Variants in WFS1 observed in about 807,000 individuals in gnomAD.
The protein encoded by WFS1 is wolframin.
WFS1 carries 90 observed loss-of-function variants against 68.5 expected under a neutral mutation model. That is an observed-to-expected ratio of 1.31 (90% CI 1.11 to 1.56). The LOEUF is 1.56. WFS1 is among the 40% of genes most tolerant of loss of function. The pLI is 0.00. For missense variants in WFS1, 1,767 were observed against 1,232.6 expected (o/e 1.43, Z -6.49); for synonymous variants, 860 against 540.7 (o/e 1.59, Z -8.19).
intron 7 of WFS1, among the ~76,000 whole-genome samples, chr4:6,297,745 T>A: frequency 6.6e-6 from 1 of 152,226 alleles, no homozygotes; most frequent in Non-Finnish European, 1.5e-5. Context: ...TCATAGTTTT[T>A]AAGTTTCGTT....
rs541588171 is a variant in WFS1, at chr4:6,301,838, C to A, written c.2043C>A (p.Thr681=). 6.2e-7 allele frequency: 1 copy of A among 1,613,080 alleles called. No homozygotes were observed. The highest frequency in any genetic ancestry group is 8.5e-7 in the Non-Finnish European group (1 of 1,179,984). ...ALCGPRAWKE[T]NMARTQILCS... The stretch of plus-strand genomic sequence containing the variant: ...GCGGGCCACGCGCCTGGAAGGAGAC[C>A]AACATGGCGCGCACCCAGATCCTCT... The change falls in exon 8 of 8, where the codon ACC becomes ACA. Residue 681 remains threonine (T), a synonymous_variant. Transcript: ENST00000226760.
At chr4:6,288,266 C>CT (rs1467762243) in intron 3 of WFS1, among the ~76,000 whole-genome samples, 1 of 151,470 alleles carries the variant, frequency 6.6e-6, no homozygotes, top group Non-Finnish European at 1.5e-5. Flanking sequence ...CCATATTGTA[C>CT]TTTAAAGTTC....
At chr4:6,285,638 CTGCCTT>C (rs1264591281) in intron 2 of WFS1, among the ~76,000 whole-genome samples, 9 of 152,246 alleles carry the variant, frequency 5.9e-5, no homozygotes, top group Non-Finnish European at 7.3e-5. Flanking sequence ...CCCTTCCTCT[CTGCCTT>C]TGCACCTGGC....
chr4:6,277,985 CAT>C (rs963908727), intron 2 of WFS1, among the ~76,000 whole-genome samples: 24 of 152,382 alleles, frequency 1.6e-4, no homozygotes, highest in African/African-American at 5.0e-4. Flanking sequence ...AGCGTCCAAA[CAT>C]GTGGAGTAAA....
intron 2 of WFS1, among the ~76,000 whole-genome samples, chr4:6,282,871 G>C (rs1274024954): frequency 1.3e-5 from 2 of 152,230 alleles, no homozygotes; most frequent in Admixed American, 1.3e-4. Context: ...GACTATGCTA[G>C]GATTTCAGAA....
chr4:6,296,181 G>C (rs545751607), intron 7 of WFS1, among the ~76,000 whole-genome samples: 3 of 152,176 alleles, frequency 2.0e-5, no homozygotes, highest in African/African-American at 2.4e-5. Flanking sequence ...CACCGTCCTC[G>C]AGCCAGGGAG....
At position 6,291,400 on chromosome 4, in the gene WFS1, C is replaced by G. The variant is rs1488930161; in HGVS notation, c.631+33C>G. ...GATTCACCCTGGGCACCAGCCTTCCCTGGGCGCCAGCCTTCCCACAGGAGC... is the reference window on the plus strand; with the variant it reads ...GATTCACCCTGGGCACCAGCCTTCCGTGGGCGCCAGCCTTCCCACAGGAGC... On this transcript the variant is annotated intron_variant, in intron 5 of 7. Coordinates refer to ENST00000226760, the MANE Select transcript of WFS1 (RefSeq NM_006005.3). 7 of 1,607,652 alleles carry G rather than the reference C, an allele frequency of 4.4e-6. No homozygotes were observed. The South Asian group carries it at 5.5e-5, about 13-fold the overall frequency.
rs544230639 is a variant in WFS1 at position 6,291,324 on chromosome 4, C to T, written c.588C>T (p.Ala196=). 100 of 1,613,370 alleles carry T rather than the reference C, an allele frequency of 6.2e-5. No individual in the cohort carries two copies. Among genetic ancestry groups the T allele is most frequent in the East Asian group, 1.1e-4 (5 of 44,842 alleles). ...ACCCCAAGAAGAAGAAGCAGGTGGC[C>T]GTGGCGGAGCTGCTGGAGAATGTCG... is the stretch of plus-strand genomic sequence containing the variant. ...KLNPKKKKQV[A]VAELLENVGQ... is the part of the protein sequence containing the mutation. The change falls in exon 5 of 8, where the codon GCC becomes GCT. Residue 196 remains alanine (A), a synonymous_variant. Coordinates refer to ENST00000226760, the MANE Select transcript of WFS1 (RefSeq NM_006005.3).
In WFS1 at chr4:6,289,147, G is replaced by A; in HGVS notation, c.460+16G>A. 6.4e-7 allele frequency: 1 copy of A among 1,565,192 alleles called. No homozygotes were observed. Among genetic ancestry groups the A allele is most frequent in the Admixed American group, 1.9e-5 (1 of 53,118 alleles). ...GACAGAAGAGGTGGGTCTGTGTGAG[G>A]CTTAGAACAGCCTCTGGAGGGTTGA... On this transcript the variant is annotated intron_variant, in intron 4 of 7. Coordinates refer to ENST00000226760, the MANE Select transcript of WFS1 (RefSeq NM_006005.3).
At chr4:6,271,624 A>G (rs557597526) in intron 1 of WFS1, among the ~76,000 whole-genome samples, 30 of 152,142 alleles carry the variant, frequency 2.0e-4, no homozygotes, top group Admixed American at 2.0e-3. Flanking sequence ...GCCACAAACC[A>G]GACCACCCCC....
intron 5 of WFS1, among the ~76,000 whole-genome samples, 194 bp downstream of exon 5, chr4:6,291,561 C>G (rs750384192): frequency 5.9e-5 from 9 of 152,162 alleles, no homozygotes; most frequent in Admixed American, 4.6e-4. Flanking sequence ...AGACCGTGCC[C>G]TAGTGGTGAG....
intron 6 of WFS1, among the ~76,000 whole-genome samples, chr4:6,293,595 C>A (rs10937719): frequency 6.6e-6 from 1 of 151,994 alleles, no homozygotes; most frequent in Non-Finnish European, 1.5e-5. Flanking sequence ...GCAGAGATGA[C>A]TGCTCTTCTC....
intron 7 of WFS1, among the ~76,000 whole-genome samples, chr4:6,298,636 CTG>C (rs1467598297): frequency 6.6e-6 from 1 of 151,862 alleles, no homozygotes; most frequent in East Asian, 1.9e-4. Flanking sequence ...AAGGCTCAGT[CTG>C]TGTAGACATG....
chr4:6,290,376 G>C (rs1730427269), intron 4 of WFS1, among the ~76,000 whole-genome samples: 1 of 152,238 alleles, frequency 6.6e-6, no homozygotes, highest in South Asian at 2.1e-4. Flanking sequence ...AGAGCAGTTG[G>C]AATGACCTGG....
chr4:6,302,041 C>T lies in WFS1; in HGVS notation c.2246C>T (p.Thr749Met), dbSNP rs199769524. 22 of 1,612,702 alleles carry T rather than the reference C, an allele frequency of 1.4e-5. No homozygotes were observed. Among genetic ancestry groups the T allele is most frequent in the African/African-American group, 4.0e-5 (3 of 74,942 alleles). The change falls in exon 8 of 8, where the codon ACG (threonine) becomes ATG (methionine). Residue 749 changes from threonine to methionine, a missense_variant. Transcript: ENST00000226760. ...GCCTGCAGCCCTGGCAACACCTCCACGGCCGAGGAGGAGCTCTGTCGCCTT... is the reference window on the plus strand; with the variant it reads ...GCCTGCAGCCCTGGCAACACCTCCATGGCCGAGGAGGAGCTCTGTCGCCTT... ...YPACSPGNTS[T>M]AEEELCRLKL...
intron 5 of WFS1, among the ~76,000 whole-genome samples, chr4:6,291,709 C>T (rs749485178): frequency 5.3e-5 from 8 of 152,178 alleles, no homozygotes; most frequent in Non-Finnish European, 7.4e-5. Flanking sequence ...AGTGGGAGCA[C>T]GCTACGTGGT....
chr4:6,276,243 G>T (rs1729991883), intron 1 of WFS1, among the ~76,000 whole-genome samples: 1 of 152,210 alleles, frequency 6.6e-6, no homozygotes, highest in African/African-American at 2.4e-5. Flanking sequence ...GCTCATCCAG[G>T]GCCCATCCGG....
At position 6,277,390 on chromosome 4, in the gene WFS1, A is replaced by G. The variant is rs540452187; in HGVS notation, c.-5-61A>G. Reference sequence around the variant, plus strand: ...CTCTGCTTTTCTGTCTCCAGCAGACACTAAGTGCCAGAGCGGGCTCTGCCG... The same window carrying G: ...CTCTGCTTTTCTGTCTCCAGCAGACGCTAAGTGCCAGAGCGGGCTCTGCCG... On this transcript the variant is annotated intron_variant, in intron 1 of 7. Transcript: ENST00000226760. 1.9e-5 allele frequency: 28 copies of G among 1,483,364 alleles called. No individual in the cohort carries two copies. The Admixed American group carries it at 2.9e-4, about 16-fold the overall frequency. 91.9% of individuals were successfully genotyped at this position (1,483,364 alleles called of 1,614,324 possible).
intron 7 of WFS1, among the ~76,000 whole-genome samples, chr4:6,295,952 C>A (rs1337923042): frequency 6.6e-6 from 1 of 152,228 alleles, no homozygotes; most frequent in African/African-American, 2.4e-5. Flanking sequence ...GCCTCCTGAC[C>A]CAGGATCCCC....
Sources: gnomAD v4.1 joint callset for allele counts (sites outside exome capture counted in the v4.1 genomes callset) on GRCh38, gnomAD v4.1.1 for gene constraint, MANE v1.5 for transcripts, NCBI Gene and HGNC (gene_info 2026-07-23, HGNC 2026-07-21) for gene names.